PPM1E: variants seen among roughly 807,000 people sequenced by gnomAD.
PPM1E encodes the protein protein phosphatase 1E.
Under a neutral mutation model 65.9 loss-of-function variants are expected in PPM1E, and 20 were observed. That is an observed-to-expected ratio of 0.30 (90% confidence interval 0.21 to 0.44). The LOEUF is 0.44. PPM1E is among the 20% of genes least tolerant of loss of function. The probability of loss-of-function intolerance (pLI) is 1.00; values close to 1 mark genes in which losing one functional copy is unlikely to be tolerated. For synonymous variants in PPM1E, 352 were observed against 374.9 expected (o/e 0.94, Z 0.70); for missense variants, 713 against 953.1 (o/e 0.75, Z 3.32).
At chr17:58,765,026 C>T (rs2049859136) in intron 1 of PPM1E, among the ~76,000 whole-genome samples, 1 of 150,776 alleles carries the variant, frequency 6.6e-6, no homozygotes, top group Non-Finnish European at 1.5e-5. Flanking sequence ...GTATTCCATT[C>T]CCACATCCCT....
At chr17:58,928,025 A>T (rs946824031) in intron 1 of PPM1E, among the ~76,000 whole-genome samples, 1 of 151,510 alleles carries the variant, frequency 6.6e-6, no homozygotes, top group South Asian at 2.1e-4. Context: ...ACACCACTGC[A>T]CTCCAGCCTG....
chr17:58,772,976 T>C (rs199759943), intron 1 of PPM1E, among the ~76,000 whole-genome samples: 14 of 66,466 alleles, frequency 2.1e-4, no homozygotes, highest in Non-Finnish European at 2.9e-4. Context: ...TTCTCTCTCT[T>C]TTTTTTTTTT....
chr17:58,820,188 C>T (rs2050465864), intron 1 of PPM1E, among the ~76,000 whole-genome samples: 1 of 152,120 alleles, frequency 6.6e-6, no homozygotes, highest in Non-Finnish European at 1.5e-5. Context: ...CCACCAGGCC[C>T]CACCTCCAAC....
intron 1 of PPM1E, among the ~76,000 whole-genome samples, chr17:58,841,370 A>C (rs963899595): frequency 6.6e-6 from 1 of 152,132 alleles, no homozygotes; most frequent in African/African-American, 2.4e-5. Context: ...ACACACCTTC[A>C]AGCCAAGTGA....
At chr17:58,950,424 T>C (rs549673539) in intron 1 of PPM1E, among the ~76,000 whole-genome samples, 4 of 152,330 alleles carry the variant, frequency 2.6e-5, no homozygotes, top group South Asian at 4.1e-4. Context: ...GTTGAATCTA[T>C]GTGGGAACTT....
chr17:58,779,613 A>T (rs1045037647), intron 1 of PPM1E, among the ~76,000 whole-genome samples: 2 of 152,196 alleles, frequency 1.3e-5, no homozygotes, highest in Admixed American at 1.3e-4. Context: ...TAATTCAATT[A>T]TGACCCTTTT....
At chr17:58,773,951 C>T (rs2144183841) in intron 1 of PPM1E, among the ~76,000 whole-genome samples, 1 of 152,178 alleles carries the variant, frequency 6.6e-6, no homozygotes, top group Middle Eastern at 3.4e-3. Flanking sequence ...CAGTTGAGGT[C>T]AGGAGTTCCA....
chr17:58,866,236 C>A (rs901618114), intron 1 of PPM1E, among the ~76,000 whole-genome samples: 1 of 152,122 alleles, frequency 6.6e-6, no homozygotes, highest in Non-Finnish European at 1.5e-5. Context: ...AGAAAGCATG[C>A]AGTTTATAGG....
chr17:58,868,259 C>T (rs1211702832), intron 1 of PPM1E, among the ~76,000 whole-genome samples: 2 of 152,238 alleles, frequency 1.3e-5, no homozygotes, highest in East Asian at 1.9e-4. Context: ...GCAGAGGTTG[C>T]AGTGAGCCAA....
At chr17:58,866,771 C>G (rs2051008953) in intron 1 of PPM1E, among the ~76,000 whole-genome samples, 1 of 152,104 alleles carries the variant, frequency 6.6e-6, no homozygotes, top group African/African-American at 2.4e-5. Flanking sequence ...CTGAGAAAAA[C>G]CTTCCATAGG....
chr17:58,859,274 T>C (rs566309122), intron 1 of PPM1E, among the ~76,000 whole-genome samples: 155 of 152,320 alleles, frequency 1.0e-3, no homozygotes, highest in Non-Finnish European at 1.7e-3. Context: ...CACAAGACCT[T>C]TCCTGATCAT....
chr17:58,953,018 C>T (rs2052261470), intron 1 of PPM1E, among the ~76,000 whole-genome samples: 1 of 152,142 alleles, frequency 6.6e-6, no homozygotes, highest in African/African-American at 2.4e-5. Context: ...TATTGTTCCA[C>T]TTGACTGAAA....
intron 1 of PPM1E, among the ~76,000 whole-genome samples, chr17:58,906,096 A>G (rs1234560295): frequency 1.3e-5 from 2 of 152,178 alleles, no homozygotes; most frequent in African/African-American, 4.8e-5. Context: ...TGTATCAATT[A>G]ATTTGTATCA....
chr17:58,816,772 ATATATATATATATATATATATATTTT>A (rs1307395078), intron 1 of PPM1E, among the ~76,000 whole-genome samples: 1,352 of 17,982 alleles, frequency 0.075, 56 homozygotes, highest in Non-Finnish European at 0.093. Context: ...ATATATATAT[ATATATATATATATATATATATATTTT>A]TTTTTTTTTT....
At chr17:58,805,553 G>C (rs903573484) in intron 1 of PPM1E, among the ~76,000 whole-genome samples, 27 of 152,010 alleles carry the variant, frequency 1.8e-4, no homozygotes, top group African/African-American at 5.8e-4. Flanking sequence ...CCCGGCCCCA[G>C]TGTGTAGTCT....
At chr17:58,925,002 T>C (rs1413379452) in intron 1 of PPM1E, among the ~76,000 whole-genome samples, 3 of 152,126 alleles carry the variant, frequency 2.0e-5, no homozygotes, top group Non-Finnish European at 2.9e-5. Flanking sequence ...GTTGGTTCCA[T>C]GTCTTTGCTA....
chr17:58,885,625 G>A (rs569018801), intron 1 of PPM1E, among the ~76,000 whole-genome samples: 10 of 152,136 alleles, frequency 6.6e-5, no homozygotes, highest in African/African-American at 1.9e-4. Flanking sequence ...TCAATTTCTC[G>A]CCTGGGCAAT....
intron 2 of PPM1E, among the ~76,000 whole-genome samples, chr17:58,962,986 G>A (rs1313486426): frequency 6.6e-6 from 1 of 152,112 alleles, no homozygotes; most frequent in East Asian, 1.9e-4. Flanking sequence ...CTACTTGAGA[G>A]GCTGAAGCAG....
At chr17:58,923,617 T>A (rs1226850281) in intron 1 of PPM1E, among the ~76,000 whole-genome samples, 3 of 151,500 alleles carry the variant, frequency 2.0e-5, no homozygotes, top group African/African-American at 7.3e-5. Context: ...TGGTGGCATG[T>A]GCCTCCCGAG....
Sources: allele counts gnomAD v4.1 joint callset (sites outside exome capture counted in the v4.1 genomes callset), GRCh38; gene constraint gnomAD v4.1.1; transcripts MANE v1.5; gene names NCBI Gene and HGNC (gene_info 2026-07-23, HGNC 2026-07-21).